Variants in CHM observed in about 807,000 individuals in gnomAD.
The protein encoded by CHM is rab proteins geranylgeranyltransferase component A 1.
In CHM, 10 loss-of-function variants were observed where a neutral mutation model predicts 49.0. That is an observed-to-expected ratio of 0.20 (90% CI 0.13 to 0.35). The LOEUF (loss-of-function observed/expected upper bound fraction) is 0.35, where lower values mean the gene tolerates loss of function less well. Ranked by LOEUF, CHM falls within the 10% of genes least tolerant of loss-of-function variation. The probability of loss-of-function intolerance (pLI) is 1.00; values close to 1 mark genes in which losing one functional copy is unlikely to be tolerated. For synonymous variants in CHM, 184 were observed against 167.5 expected, an observed-to-expected ratio of 1.10 and a Z score of -0.76; for missense variants, 455 against 478.4, an observed-to-expected ratio of 0.95 and a Z score of 0.46.
intron 14 of CHM, among the ~76,000 whole-genome samples, chrX:85,869,559 A>G (rs1923920541): frequency 9.0e-6 from 1 of 110,725 alleles, no homozygotes; most frequent in Non-Finnish European, 1.9e-5. Context: ...CTGCTTATGA[A>G]ACTCCCACCT....
At chrX:85,910,995 G>A (rs1489236658) in intron 9 of CHM, among the ~76,000 whole-genome samples, 1 of 96,087 alleles carries the variant, frequency 1.0e-5, no homozygotes, top group African/African-American at 3.8e-5. Context: ...TCTTGTTCTG[G>A]AGGACCTAAA....
intron 8 of CHM, among the ~76,000 whole-genome samples, chrX:85,928,920 A>T (rs2148191551): frequency 8.9e-6 from 1 of 112,098 alleles, no homozygotes; most frequent in African/African-American, 3.2e-5. Context: ...GCTTCATTTT[A>T]TTATGTTTTT....
chrX:85,957,231 C>G (rs1930051468), intron 7 of CHM, among the ~76,000 whole-genome samples: 1 of 111,130 alleles, frequency 9.0e-6, no homozygotes, highest in Admixed American at 9.6e-5. Context: ...ATTTTCAGAC[C>G]AATGGACTTA....
chrX:86,022,921 G>A (rs1481510411), intron 2 of CHM, among the ~76,000 whole-genome samples: 1 of 111,166 alleles, frequency 9.0e-6, no homozygotes, highest in African/African-American at 3.3e-5. Context: ...CCACCAAACG[G>A]CTCAAACCAG....
chrX:85,929,794 G>A (rs922354402), intron 8 of CHM, among the ~76,000 whole-genome samples: 13 of 111,538 alleles, frequency 1.2e-4, no homozygotes, highest in Non-Finnish European at 2.4e-4. Flanking sequence ...TTAGTTTTAG[G>A]TCTTTGGTAA....
intron 2 of CHM, among the ~76,000 whole-genome samples, chrX:86,007,038 C>T (rs1332214632): frequency 7.2e-5 from 8 of 111,879 alleles, no homozygotes; most frequent in African/African-American, 2.6e-4. Context: ...ACCAAAACAG[C>T]ATGGCACTGG....
At chrX:86,001,027 T>A (rs1476081761) in intron 2 of CHM, among the ~76,000 whole-genome samples, 1 of 112,428 alleles carries the variant, frequency 8.9e-6, no homozygotes, top group African/African-American at 3.2e-5. Flanking sequence ...AATGTTTAGA[T>A]GATATATTTC....
intron 8 of CHM, among the ~76,000 whole-genome samples, chrX:85,955,021 T>C (rs925560065): frequency 2.7e-5 from 3 of 111,492 alleles, no homozygotes; most frequent in East Asian, 5.6e-4. Context: ...ATATCCTCAC[T>C]TACTTGCGGG....
intron 8 of CHM, among the ~76,000 whole-genome samples, chrX:85,938,381 G>A (rs1428820437): frequency 2.7e-5 from 3 of 111,372 alleles, no homozygotes; most frequent in African/African-American, 9.8e-5. Context: ...ATGTTGCTGT[G>A]CTTATTTTAT....
At chrX:86,029,515 T>C (rs1262362947) in intron 1 of CHM, among the ~76,000 whole-genome samples, 1 of 111,958 alleles carries the variant, frequency 8.9e-6, no homozygotes. Flanking sequence ...CTCCAAACTG[T>C]ATTTTCACAT....
chrX:86,038,938 A>G (rs755096655), intron 1 of CHM, among the ~76,000 whole-genome samples: 7 of 112,589 alleles, frequency 6.2e-5, no homozygotes, highest in Non-Finnish European at 1.3e-4. Flanking sequence ...TATTTTTTCA[A>G]TTGAAAGATT....
chrX:85,961,591 T>C (rs1415820318), intron 5 of CHM, among the ~76,000 whole-genome samples: 1 of 104,833 alleles, frequency 9.5e-6, no homozygotes, highest in Non-Finnish European at 2.0e-5. Flanking sequence ...CCATCTAGCA[T>C]GCACTGAATA....
intron 2 of CHM, 64 bp downstream of exon 2, chrX:86,027,427 T>C (rs1000200498): frequency 2.3e-6 from 2 of 888,420 alleles, no homozygotes; most frequent in Non-Finnish European, 3.3e-6. Flanking sequence ...TATGTGTTTA[T>C]GTAAATTTTA....
At chrX:85,896,201 C>A (rs1258174187) in intron 11 of CHM, among the ~76,000 whole-genome samples, 3 of 103,237 alleles carry the variant, frequency 2.9e-5, no homozygotes, top group Non-Finnish European at 4.0e-5. Context: ...CTACAGGGAA[C>A]AAAGAAAGAC....
chrX:85,907,092 T>C (rs1926643034), intron 9 of CHM, among the ~76,000 whole-genome samples: 1 of 111,743 alleles, frequency 8.9e-6, no homozygotes, highest in Non-Finnish European at 1.9e-5. Flanking sequence ...ATTGCACCAC[T>C]GCACTGCAGC....
At chrX:86,019,536 T>C (rs760983025) in intron 2 of CHM, 1 of 111,800 alleles carries the variant, frequency 8.9e-6, no homozygotes, top group African/African-American at 3.2e-5. Context: ...AACAAATATC[T>C]GGCAAGAGAG....
At chrX:85,992,786 G>T (rs1932265548) in intron 2 of CHM, among the ~76,000 whole-genome samples, 1 of 112,114 alleles carries the variant, frequency 8.9e-6, no homozygotes, top group Non-Finnish European at 1.9e-5. Flanking sequence ...AATGTTACTT[G>T]GTTTTAAGAG....
intron 8 of CHM, among the ~76,000 whole-genome samples, chrX:85,930,676 C>T (rs1407360523): frequency 9.0e-6 from 1 of 111,574 alleles, no homozygotes; most frequent in Non-Finnish European, 1.9e-5. Flanking sequence ...CTCACAGAAA[C>T]TTTGTGATAA....
At chrX:86,007,604 G>C (rs372679455) in intron 2 of CHM, among the ~76,000 whole-genome samples, 1 of 112,133 alleles carries the variant, frequency 8.9e-6, no homozygotes, top group Admixed American at 9.4e-5. Flanking sequence ...AAGGATATTA[G>C]TAGACACTTC....
Sources: gnomAD v4.1 joint callset for allele counts (sites outside exome capture counted in the v4.1 genomes callset) on GRCh38, gnomAD v4.1.1 for gene constraint, MANE v1.5 for transcripts, NCBI Gene and HGNC (gene_info 2026-07-23, HGNC 2026-07-21) for gene names.